CLEC18B: variants seen among roughly 807,000 people sequenced by gnomAD.
CLEC18B encodes C-type lectin domain family 18 member B.
Under a neutral mutation model 60.4 loss-of-function variants are expected in CLEC18B, and 5 were observed. The observed-to-expected ratio is 0.08, with a 90% CI of 0.04 to 0.17. The LOEUF is 0.17. CLEC18B is among the 10% of genes least tolerant of loss of function. CLEC18B has a pLI of 1.00. For synonymous variants in CLEC18B, 16 were observed against 221.2 expected, an observed-to-expected ratio of 0.07 and a Z score of 8.23; for missense variants, 26 against 572.8, an observed-to-expected ratio of 0.05 and a Z score of 9.74.
chr16:74,421,947 G>A (rs2013704934), upstream of CLEC18B: 1 of 142,400 alleles, frequency 7.0e-6, no homozygotes, highest in African/African-American at 2.7e-5. Context: ...GGTGCCTTAG[G>A]AAAGTCTGTC....
chr16:74,408,996 T>C lies in CLEC18B; in HGVS notation c.*10A>G, dbSNP rs2012992402. ...TCCCAGGGCAGGCGAGGGAGCCATG[T>C]GGTCAGGCCTCAGGACCCTGGGCCC... is the stretch of plus-strand genomic sequence containing the variant. On this transcript the variant is annotated 3_prime_UTR_variant, in exon 12 of 12. Transcript: ENST00000682950. 6.4e-7 allele frequency: 1 copy of C among 1,556,158 alleles called. No homozygotes were observed. Among genetic ancestry groups the C allele is most frequent in the African/African-American group, 1.4e-5 (1 of 72,580 alleles).
chr16:74,421,688 A>G, upstream of CLEC18B: 1 of 350,530 alleles, frequency 2.9e-6, no homozygotes, highest in Non-Finnish European at 5.2e-6. Context: ...TGGCTGGGAC[A>G]GTGTCCTCCG....
chr16:74,422,838 A>AT (rs1282346225), upstream of CLEC18B, among the ~76,000 whole-genome samples: 17 of 151,612 alleles, frequency 1.1e-4, no homozygotes, highest in East Asian at 1.4e-3. Context: ...AATTATTATT[A>AT]TTTTTTTTGG....
At chr16:74,422,877 G>A (rs1464700923), upstream of CLEC18B, among the ~76,000 whole-genome samples, 1 of 148,862 alleles carries the variant, frequency 6.7e-6, no homozygotes, top group African/African-American at 2.5e-5. Context: ...GTCTTGCCCA[G>A]GCTGGTCTCC....
intron 4 of CLEC18B, among the ~76,000 whole-genome samples, 175 bp downstream of exon 4, chr16:74,413,404 C>T (rs28385285): frequency 0.097 from 13,672 of 140,566 alleles, 41 homozygotes; most frequent in African/African-American, 0.14. Flanking sequence ...GCACCTTCTG[C>T]GTGGCCAGAA....
intron 3 of CLEC18B, among the ~76,000 whole-genome samples, chr16:74,414,518 C>A (rs1437838614): frequency 4.1e-5 from 6 of 146,854 alleles, no homozygotes; most frequent in Non-Finnish European, 6.0e-5. Context: ...TAGAACCATG[C>A]TCAGTCACCA....
At chr16:74,419,250 G>A (rs1291243047) in intron 2 of CLEC18B, among the ~76,000 whole-genome samples, 1 of 152,082 alleles carries the variant, frequency 6.6e-6, no homozygotes, top group Non-Finnish European at 1.5e-5. Context: ...ATGCAGGGAG[G>A]GGGGCCCCTC....
Position 74,413,573 on chromosome 16 carries a change from G to T in CLEC18B, c.554+6C>A, listed in dbSNP as rs750045397. ...ACATCCCAGCAGAAGGTGTAGCAGG[G>T]CTTACCCGGGGGAGTAGGCACAGAC... is the stretch of plus-strand genomic sequence containing the variant. On this transcript the variant is annotated splice_donor_region_variant and intron_variant, in intron 4 of 11. Coordinates refer to ENST00000682950, the MANE Select transcript of CLEC18B (RefSeq NM_001385193.1). 8.1e-6 allele frequency: 13 copies of T among 1,614,080 alleles called. No homozygotes were observed. The highest frequency in any genetic ancestry group is 3.3e-5 in the Admixed American group (2 of 60,028).
chr16:74,412,261 C>G lies in CLEC18B; in HGVS notation c.785-15G>C. On this transcript the variant is annotated splice_polypyrimidine_tract_variant and intron_variant, in intron 6 of 11. Transcript: ENST00000682950. ...GCTGCACCTCACTGCCAGGGCAGGG[C>G]AGTGGGGCAGAGGCTCAGCCCCCAG... 8.4e-7 allele frequency: 1 copy of G among 1,188,956 alleles called. No homozygotes were observed. The highest frequency in any genetic ancestry group is 1.3e-5 in the South Asian group (1 of 76,302). 73.7% of individuals were successfully genotyped at this position (1,188,956 alleles called of 1,614,324 possible).
At chr16:74,419,064 G>A (rs1424981547) in intron 2 of CLEC18B, among the ~76,000 whole-genome samples, 1 of 152,214 alleles carries the variant, frequency 6.6e-6, no homozygotes, top group Non-Finnish European at 1.5e-5. Flanking sequence ...CAGAGTGCTG[G>A]GATTACAGGT....
chr16:74,424,179 T>C (rs550768094), upstream of CLEC18B, among the ~76,000 whole-genome samples: 3 of 151,424 alleles, frequency 2.0e-5, no homozygotes, highest in East Asian at 2.0e-4. Context: ...TTGAAGGTTA[T>C]AGCGTTCGAG....
At chr16:74,413,890 G>T (rs1447683073) in intron 3 of CLEC18B, among the ~76,000 whole-genome samples, 1 of 47,818 alleles carries the variant, frequency 2.1e-5, no homozygotes, top group African/African-American at 8.2e-5. Context: ...ATTTATTTTT[G>T]AGATGGAGTT....
upstream of CLEC18B, among the ~76,000 whole-genome samples, chr16:74,423,465 G>C (rs538654941): frequency 6.9e-4 from 105 of 152,402 alleles, 1 homozygote; most frequent in Admixed American, 1.3e-3. Flanking sequence ...AAGGCAGGCG[G>C]ATCACTTGAG....
chr16:74,422,793 T>G (rs2549234), upstream of CLEC18B, among the ~76,000 whole-genome samples: 1 of 152,242 alleles, frequency 6.6e-6, no homozygotes, highest in African/African-American at 2.4e-5. Flanking sequence ...GCCTCCCAAG[T>G]AGCTGGGACC....
intron 2 of CLEC18B, among the ~76,000 whole-genome samples, chr16:74,419,975 C>G (rs1180906419): frequency 6.6e-6 from 1 of 152,276 alleles, no homozygotes; most frequent in African/African-American, 2.4e-5. Context: ...TCTATACCCC[C>G]GACCCCTGGC....
chr16:74,423,883 C>T (rs2013758245), upstream of CLEC18B, among the ~76,000 whole-genome samples: 1 of 152,246 alleles, frequency 6.6e-6, no homozygotes, highest in African/African-American at 2.4e-5. Context: ...GGGATGACCC[C>T]TCTGCTGGGC....
At chr16:74,413,761 C>T in intron 3 of CLEC18B, 85 bp from the exon 4 acceptor site, 2 of 1,612,166 alleles carry the variant, frequency 1.2e-6, no homozygotes, top group South Asian at 2.2e-5. Flanking sequence ...TCCAGGCGAA[C>T]AGAGGGCTCC....
At chr16:74,410,247 G>A (rs1167340827) in intron 10 of CLEC18B, among the ~76,000 whole-genome samples, 8 of 152,260 alleles carry the variant, frequency 5.3e-5, no homozygotes, top group Non-Finnish European at 1.0e-4. Flanking sequence ...AGGGGTGAGT[G>A]GATGAGAATT....
Position 74,421,375 on chromosome 16 carries a change from G to A in CLEC18B, c.-105C>T. On this transcript the variant is annotated 5_prime_UTR_variant, in exon 1 of 12. Transcript: ENST00000682950. ...TTCACAATCTCCAGGAGTCAGGCTG[G>A]GCTGGTGGACAAAAGAGGGGGGCTG... 2 of 1,604,336 alleles carry A rather than the reference G, an allele frequency of 1.2e-6. No individual in the cohort carries two copies. Among genetic ancestry groups the A allele is most frequent in the Non-Finnish European group, 1.7e-6 (2 of 1,176,598 alleles).
Sources: gnomAD v4.1 joint callset for allele counts (sites outside exome capture counted in the v4.1 genomes callset) on GRCh38, gnomAD v4.1.1 for gene constraint, MANE v1.5 for transcripts, NCBI Gene and HGNC (gene_info 2026-07-23, HGNC 2026-07-21) for gene names.